SPTB: variants seen among roughly 807,000 people sequenced by gnomAD.
SPTB encodes spectrin beta, erythrocytic, also known as spectrin beta chain, erythrocytic.
SPTB carries 45 observed loss-of-function variants against 256.2 expected under a neutral mutation model. The ratio of observed to expected loss-of-function variants is 0.18; its 90% CI spans 0.14 to 0.23. SPTB has a LOEUF of 0.23. SPTB is among the 10% of genes least tolerant of loss of function. The pLI is 1.00. For synonymous variants in SPTB, 1,231 were observed against 1,243.1 expected, an observed-to-expected ratio of 0.99 and a Z score of 0.21; for missense variants, 2,715 against 3,040.4, an observed-to-expected ratio of 0.89 and a Z score of 2.52.
rs1308836800 is a variant in SPTB at position 64,793,162 on chromosome 14, A to T, written c.2501T>A (p.Val834Glu). The T allele has an allele frequency of 5.6e-6, 9 of 1,613,922 alleles. No homozygotes were observed. Among genetic ancestry groups the T allele is most frequent in the Non-Finnish European group, 7.6e-6 (9 of 1,180,028 alleles). The change falls in exon 14 of 36, where the codon GTG becomes GAG. Residue 834 changes from valine (V) to glutamate (E), a missense_variant. Coordinates refer to ENST00000644917, the MANE Select transcript of SPTB (RefSeq NM_001355436.2). This position sits in a 1 kb window ranked among gnomAD's most constrained non-coding sequence, Gnocchi z 7.0. ...QALRELYQQVVAQADLRQQRL... is the reference protein window; with the variant it reads ...QALRELYQQVEAQADLRQQRL... ...CTGCTGACGCAGGTCCGCCTGGGCC[A>T]CCACCTGTTGGTAGAGCTCCCGCAG...
chr14:64,855,326 A>G (rs2083854321), intron 1 of SPTB, among the ~76,000 whole-genome samples: 1 of 152,220 alleles, frequency 6.6e-6, no homozygotes, highest in Non-Finnish European at 1.5e-5. Flanking sequence ...CTAGAGATCT[A>G]TTCCCAGAGT....
rs753168397 is a variant in SPTB, at chr14:64,749,272, G to A, written c.*34C>T. The A allele has an allele frequency of 9.0e-6, 14 of 1,547,794 alleles. No homozygotes were observed. The highest frequency in any genetic ancestry group is 7.2e-5 in the East Asian group (3 of 41,450). On this transcript the variant is annotated 3_prime_UTR_variant, in exon 36 of 36. Coordinates refer to ENST00000644917, the MANE Select transcript of SPTB (RefSeq NM_001355436.2). This position sits in a 1 kb window ranked among gnomAD's most constrained non-coding sequence, Gnocchi z 4.7. ...GGCCTGGGCTGCCCGGTCTCTGCGCGTCCCGACTCCGCCGCGCCCGCCAGC... is the reference window on the plus strand; with the variant it reads ...GGCCTGGGCTGCCCGGTCTCTGCGCATCCCGACTCCGCCGCGCCCGCCAGC...
intron 2 of SPTB, among the ~76,000 whole-genome samples, chr14:64,812,899 T>TA (rs1319313130): frequency 6.6e-6 from 1 of 152,144 alleles, no homozygotes; most frequent in African/African-American, 2.4e-5. Context: ...CCTTTTCTGT[T>TA]AAAAAAATTT....
At chr14:64,750,431 C>T (rs757704416) in intron 33 of SPTB, among the ~76,000 whole-genome samples, 13 of 151,764 alleles carry the variant, frequency 8.6e-5, no homozygotes, top group African/African-American at 1.2e-4. Flanking sequence ...AATTTTATAT[C>T]GTGTTTCTAA....
chr14:64,879,499 C>T (rs992914970), intron 1 of SPTB, among the ~76,000 whole-genome samples: 1 of 152,206 alleles, frequency 6.6e-6, no homozygotes, highest in African/African-American at 2.4e-5. Context: ...CCCTGCGCCC[C>T]GGGGTGACGG....
intron 24 of SPTB, 113 bp downstream of exon 24, chr14:64,774,284 A>C: frequency 7.1e-7 from 1 of 1,400,944 alleles, no homozygotes; most frequent in Non-Finnish European, 9.5e-7. Context: ...CTCCAGCCCT[A>C]TTTGATGGGA....
At chr14:64,860,870 A>G (rs1280780083) in intron 1 of SPTB, among the ~76,000 whole-genome samples, 1 of 152,228 alleles carries the variant, frequency 6.6e-6, no homozygotes, top group Non-Finnish European at 1.5e-5. Context: ...ATTACTGGGT[A>G]TATACCTATA....
intron 10 of SPTB, among the ~76,000 whole-genome samples, chr14:64,797,154 T>C (rs908539922): frequency 1.3e-5 from 2 of 152,084 alleles, no homozygotes; most frequent in African/African-American, 2.4e-5. Flanking sequence ...CTACAGAGGA[T>C]AGGCTACAAA....
At chr14:64,805,132 CA>C (rs1328160734) in intron 2 of SPTB, 42 bp from the exon 3 acceptor site, 4 of 1,613,488 alleles carry the variant, frequency 2.5e-6, no homozygotes, top group Non-Finnish European at 3.4e-6. Context: ...CTGAGGTTGG[CA>C]GGGTCAGTGT....
At position 64,785,721 on chromosome 14, in the gene SPTB, G is replaced by A. The variant is rs761286877; in HGVS notation, c.3764+28C>T. 6.2e-7 allele frequency: 1 copy of A among 1,613,958 alleles called. No homozygotes were observed. Among genetic ancestry groups the A allele is most frequent in the Non-Finnish European group, 8.5e-7 (1 of 1,179,892 alleles). Reference sequence around the variant, plus strand: ...TCACTACCCCCGTGTGGCTCTGGGGGCCTCGTGGCCCTGGGGCCCGGGAGT... The same window carrying A: ...TCACTACCCCCGTGTGGCTCTGGGGACCTCGTGGCCCTGGGGCCCGGGAGT... On this transcript the variant is annotated intron_variant, in intron 17 of 35. Transcript: ENST00000644917. This position sits in a 1 kb window ranked among gnomAD's most constrained non-coding sequence, Gnocchi z 4.4.
chr14:64,871,025 T>C (rs1209144937), intron 1 of SPTB, among the ~76,000 whole-genome samples: 1 of 152,262 alleles, frequency 6.6e-6, no homozygotes, highest in African/African-American at 2.4e-5. Flanking sequence ...GCAATGTGAA[T>C]GTGCTTATGC....
At chr14:64,854,139 C>T (rs2083831203) in intron 1 of SPTB, among the ~76,000 whole-genome samples, 1 of 150,488 alleles carries the variant, frequency 6.6e-6, no homozygotes, top group Admixed American at 6.6e-5. Context: ...TTGCAGTGAG[C>T]CAAGATCGTG....
intron 22 of SPTB, among the ~76,000 whole-genome samples, chr14:64,776,329 C>T (rs887516200): frequency 1.3e-5 from 2 of 152,196 alleles, no homozygotes; most frequent in Non-Finnish European, 2.9e-5. Flanking sequence ...ATGCTCAGAA[C>T]CTCAATTTTT....
rs1188268510 is a variant in SPTB at position 64,746,343 on chromosome 14, A to G, written c.*2963T>C. On this transcript the variant is annotated 3_prime_UTR_variant, in exon 36 of 36. Coordinates refer to ENST00000644917, the MANE Select transcript of SPTB (RefSeq NM_001355436.2). The surrounding 1 kb of genome is among the most constrained non-coding windows in gnomAD (Gnocchi z 4.9). ...TGGGTTTCCTCTGGTTGGTGGAAGC[A>G]CGGTTGAGCAGGTGGAGGACAGGAC... 6.6e-6 allele frequency: 1 copy of G among 152,570 alleles called. No individual in the cohort carries two copies. Among genetic ancestry groups the G allele is most frequent in the African/African-American group, 2.4e-5 (1 of 41,448 alleles). 9.5% of individuals were successfully genotyped at this position (152,570 alleles called of 1,614,324 possible).
At position 64,785,663 on chromosome 14, in the gene SPTB, C is replaced by G; in HGVS notation, c.3765-36G>C. On this transcript the variant is annotated intron_variant, in intron 17 of 35. Coordinates refer to ENST00000644917, the MANE Select transcript of SPTB (RefSeq NM_001355436.2). The surrounding 1 kb of genome is among the most constrained non-coding windows in gnomAD (Gnocchi z 4.4). ...AGCCAAAAGCACAGTCACAATAGTG[C>G]CGAGCTTGGGGTCCTCACCAAGCTT... is the stretch of plus-strand genomic sequence containing the variant. The G allele has an allele frequency of 1.2e-6, 2 of 1,613,698 alleles. No individual in the cohort carries two copies. The highest frequency in any genetic ancestry group is 1.7e-6 in the Non-Finnish European group (2 of 1,179,636).
intron 32 of SPTB, among the ~76,000 whole-genome samples, chr14:64,765,547 G>A (rs35752616): frequency 2.0e-5 from 3 of 152,080 alleles, no homozygotes; most frequent in Non-Finnish European, 4.4e-5. Flanking sequence ...CCTCCTTTCC[G>A]ACAAGTTGGG....
chr14:64,772,947 C>T lies in SPTB; in HGVS notation c.5186G>A (p.Arg1729Gln), dbSNP rs769460523. ...CCGGGCAAAGTCCCGGAACTTGTCC[C>T]GCAGAAGCTAGGCATGGGGCAGACA... is the stretch of plus-strand genomic sequence containing the variant. Reference protein sequence around the residue: ...GQDFDHVTLLRDKFRDFARET... With the variant: ...GQDFDHVTLLQDKFRDFARET... Residue 1729 changes from arginine to glutamine, a missense_variant, in exon 26 of 36, where the codon CGG becomes CAG. Coordinates refer to ENST00000644917, the MANE Select transcript of SPTB (RefSeq NM_001355436.2). This position sits in a 1 kb window ranked among gnomAD's most constrained non-coding sequence, Gnocchi z 5.4. The T allele has an allele frequency of 6.9e-6, 11 of 1,600,488 alleles. No homozygotes were observed. Among genetic ancestry groups the T allele is most frequent in the South Asian group, 5.5e-5 (5 of 90,276 alleles).
chr14:64,856,199 G>C (rs888509354), intron 1 of SPTB, among the ~76,000 whole-genome samples: 1 of 152,224 alleles, frequency 6.6e-6, no homozygotes, highest in Non-Finnish European at 1.5e-5. Flanking sequence ...GGCCCAGAAG[G>C]CTGTCTCTCC....
chr14:64,847,821 C>T lies in SPTB; in HGVS notation c.-51-24676G>A, dbSNP rs1360218945. On this transcript the variant is annotated intron_variant, in intron 1 of 35. Coordinates refer to ENST00000644917, the MANE Select transcript of SPTB (RefSeq NM_001355436.2). The surrounding 1 kb of genome is among the most constrained non-coding windows in gnomAD (Gnocchi z 5.9). ...ACAGAGCAGCTCTTGGGAAGCATGC[C>T]TTATTTCCTCAATGCTCCATGTGCC... is the stretch of plus-strand genomic sequence containing the variant. Among the ~76,000 whole-genome samples the T allele has an allele frequency of 6.6e-6, 1 of 152,162 alleles. No individual in the cohort carries two copies. Among genetic ancestry groups the T allele is most frequent in the Non-Finnish European group, 1.5e-5 (1 of 68,032 alleles).
Sources: allele counts gnomAD v4.1 joint callset (sites outside exome capture counted in the v4.1 genomes callset), GRCh38; gene constraint gnomAD v4.1.1; non-coding constraint Gnocchi (gnomAD v3.1); transcripts MANE v1.5; gene names NCBI Gene and HGNC (gene_info 2026-07-23, HGNC 2026-07-21).